Variants in SKAP1 observed in about 807,000 individuals in gnomAD.
The protein encoded by SKAP1 is src kinase associated phosphoprotein 1.
In SKAP1, 44 loss-of-function variants were observed where a neutral mutation model predicts 58.5. The observed-to-expected ratio is 0.75, with a 90% CI of 0.59 to 0.97. The LOEUF (loss-of-function observed/expected upper bound fraction) is 0.97. SKAP1 is among the 50% of genes least tolerant of loss of function. The probability of loss-of-function intolerance (pLI) is 0.00; values close to 1 mark genes in which losing one functional copy is unlikely to be tolerated. For missense variants in SKAP1, 390 were observed against 435.2 expected (o/e 0.90, Z 0.92); for synonymous variants, 127 against 149.7 (o/e 0.85, Z 1.11).
At chr17:48,197,239 T>C (rs1567816419) in intron 4 of SKAP1, among the ~76,000 whole-genome samples, 3 of 120,344 alleles carry the variant, frequency 2.5e-5, no homozygotes, top group African/African-American at 6.5e-5. Flanking sequence ...GTCTAGGTGA[T>C]AGAGCGAGAC....
chr17:48,392,879 T>A (rs61006841), intron 2 of SKAP1, among the ~76,000 whole-genome samples: 29,830 of 129,266 alleles, frequency 0.23, 3,613 homozygotes, highest in East Asian at 0.64. Context: ...ATATATATAT[T>A]TTTTTTTTCT....
intron 3 of SKAP1, among the ~76,000 whole-genome samples, chr17:48,355,162 A>C (rs1242748247): frequency 6.6e-6 from 1 of 152,240 alleles, no homozygotes; most frequent in Non-Finnish European, 1.5e-5. Flanking sequence ...CATCTATGTG[A>C]AGACGAAAAT....
At position 48,291,974 on chromosome 17, in the gene SKAP1, T is replaced by G. The variant is rs77810566; in HGVS notation, c.280+53931A>C. ...AGAAAGCTGTTGTTAGCTTTGGAGA[T>G]CCACTTCATATAGCAATAGGGCAAG... On this transcript the variant is annotated intron_variant, in intron 4 of 12. Coordinates refer to ENST00000336915, the MANE Select transcript of SKAP1 (RefSeq NM_003726.4). Among the ~76,000 whole-genome samples the G allele has an allele frequency of 7.7e-3, 1,174 of 152,160 alleles. 80 individuals carry two copies. In the East Asian group the frequency reaches 0.17, roughly 22 times the overall value.
At chr17:48,330,068 G>A (rs1324668483) in intron 4 of SKAP1, among the ~76,000 whole-genome samples, 1 of 152,168 alleles carries the variant, frequency 6.6e-6, no homozygotes, top group African/African-American at 2.4e-5. Flanking sequence ...GTAAGTGGTT[G>A]CTGTTGTTGG....
At chr17:48,214,593 G>T (rs1363768443) in intron 4 of SKAP1, among the ~76,000 whole-genome samples, 4 of 150,146 alleles carry the variant, frequency 2.7e-5, no homozygotes, top group Non-Finnish European at 5.9e-5. Flanking sequence ...TTAATTAAGA[G>T]AAGCTGAACT....
At chr17:48,213,408 A>G (rs1029425514) in intron 4 of SKAP1, among the ~76,000 whole-genome samples, 8 of 151,914 alleles carry the variant, frequency 5.3e-5, no homozygotes, top group African/African-American at 1.9e-4. Context: ...GCCCTTATAC[A>G]GAGTTGATGG....
intron 1 of SKAP1, among the ~76,000 whole-genome samples, chr17:48,419,472 G>A (rs555798324): frequency 2.6e-5 from 4 of 152,078 alleles, no homozygotes; most frequent in East Asian, 3.9e-4. Flanking sequence ...TACTAGAGAC[G>A]AGGTTTCACC....
At chr17:48,436,864 C>T in the SKAP1 span, among the ~76,000 whole-genome samples, 6,719 of 152,248 alleles carry the variant, frequency 0.044, 456 homozygotes, top group African/African-American at 0.15. Context: ...ACCAGCCTTC[C>T]TTTTGGATCA....
At chr17:48,160,208 C>T (rs534574182) in intron 11 of SKAP1, among the ~76,000 whole-genome samples, 28 of 152,272 alleles carry the variant, frequency 1.8e-4, no homozygotes, top group African/African-American at 6.0e-4. Flanking sequence ...AAAATCATGG[C>T]AGCCTTGAAC....
In SKAP1 at chr17:48,140,781, T is replaced by C. The variant is rs76586221; in HGVS notation, c.979-3444A>G. 3.6e-3 allele frequency among the ~76,000 whole-genome samples: 493 copies of C among 138,732 alleles called. 2 individuals carry two copies. Among genetic ancestry groups the C allele is most frequent in the Non-Finnish European group, 5.5e-3 (365 of 65,908 alleles). 91.0% of individuals were successfully genotyped at this position (138,732 alleles called of 152,430 possible). The stretch of plus-strand genomic sequence containing the variant: ...CTTCTTTCTTCTTCTTCTTCTTCTT[T>C]TTTTTTTTTTTTTAAGATGGAGTCT... On this transcript the variant is annotated intron_variant, in intron 11 of 12. Coordinates refer to ENST00000336915, the MANE Select transcript of SKAP1 (RefSeq NM_003726.4).
At chr17:48,270,138 T>A (rs1374670731) in intron 4 of SKAP1, among the ~76,000 whole-genome samples, 1 of 152,094 alleles carries the variant, frequency 6.6e-6, no homozygotes, top group Non-Finnish European at 1.5e-5. Context: ...CTTTATTATA[T>A]TTTCTGCGTC....
chr17:48,199,024 A>G (rs1022117441), intron 4 of SKAP1, among the ~76,000 whole-genome samples: 2 of 152,220 alleles, frequency 1.3e-5, no homozygotes, highest in Non-Finnish European at 2.9e-5. Context: ...TTATACATGC[A>G]TCACTTGAGA....
chr17:48,345,716 G>A (rs1362943461), intron 4 of SKAP1, among the ~76,000 whole-genome samples, 189 bp downstream of exon 4: 1 of 152,150 alleles, frequency 6.6e-6, no homozygotes, highest in Non-Finnish European at 1.5e-5. Context: ...ATTAACTTCA[G>A]AAGTATTGAA....
chr17:48,281,309 T>C (rs1598506018), intron 4 of SKAP1, among the ~76,000 whole-genome samples: 1 of 152,048 alleles, frequency 6.6e-6, no homozygotes, highest in Non-Finnish European at 1.5e-5. Flanking sequence ...CAGGCGTGAG[T>C]CACTGCACCT....
chr17:48,226,919 C>T (rs1230770034), intron 4 of SKAP1, among the ~76,000 whole-genome samples: 1 of 152,162 alleles, frequency 6.6e-6, no homozygotes, highest in Non-Finnish European at 1.5e-5. Flanking sequence ...TGTTGCGATT[C>T]CAATTACCTC....
At chr17:48,175,844 G>A (rs1278851767) in intron 9 of SKAP1, among the ~76,000 whole-genome samples, 1 of 152,200 alleles carries the variant, frequency 6.6e-6, no homozygotes, top group Non-Finnish European at 1.5e-5. Context: ...TTTTGGTGCT[G>A]GCCAAGCAGC....
At chr17:48,142,098 G>A (rs899501988) in intron 11 of SKAP1, among the ~76,000 whole-genome samples, 1 of 152,202 alleles carries the variant, frequency 6.6e-6, no homozygotes, top group Non-Finnish European at 1.5e-5. Flanking sequence ...ACTGGACCTT[G>A]TTGGTTTTGT....
chr17:48,414,166 A>T (rs1411093915), intron 1 of SKAP1, among the ~76,000 whole-genome samples: 1 of 152,242 alleles, frequency 6.6e-6, no homozygotes, highest in Non-Finnish European at 1.5e-5. Flanking sequence ...ATCAGAATAA[A>T]TTGTGACAAC....
chr17:48,307,147 C>T (rs541498597), intron 4 of SKAP1, among the ~76,000 whole-genome samples: 1 of 152,230 alleles, frequency 6.6e-6, no homozygotes, highest in African/African-American at 2.4e-5. Context: ...GGGTCTTTTC[C>T]ATTAACTTTT....
Sources: gnomAD v4.1 joint callset for allele counts (sites outside exome capture counted in the v4.1 genomes callset) on GRCh38, gnomAD v4.1.1 for gene constraint, MANE v1.5 for transcripts, NCBI Gene and HGNC (gene_info 2026-07-23, HGNC 2026-07-21) for gene names.